The following MCM8 variants were observed in gnomAD, a reference collection of about 807,000 sequenced individuals.
The protein encoded by MCM8 is minichromosome maintenance 8 homologous recombination repair factor, also known as DNA helicase MCM8.
Under a neutral mutation model 98.9 loss-of-function variants are expected in MCM8, and 85 were observed. The ratio of observed to expected loss-of-function variants is 0.86; its 90% CI spans 0.72 to 1.03. The LOEUF is 1.03. MCM8 is among the 50% of genes least tolerant of loss of function. MCM8 has a pLI of 0.00. For synonymous variants in MCM8, 352 were observed against 338.6 expected (o/e 1.04, Z -0.44); for missense variants, 951 against 997.8 (o/e 0.95, Z 0.63).
chr20:5,973,258 G>A, intron 12 of MCM8, 62 bp downstream of exon 12: 1 of 1,596,698 alleles, frequency 6.3e-7, no homozygotes. Flanking sequence ...TAATTCACAA[G>A]TGAATTTTCT....
At chr20:5,976,603 C>T (rs1361235232) in intron 12 of MCM8, among the ~76,000 whole-genome samples, 1 of 152,208 alleles carries the variant, frequency 6.6e-6, no homozygotes, top group African/African-American at 2.4e-5. Flanking sequence ...GGGGCTTAAA[C>T]TATCACAAAG....
rs1256979166 is a variant in MCM8 at position 5,995,465 on chromosome 20, C to T, written c.*1074C>T. On this transcript the variant is annotated 3_prime_UTR_variant, in exon 19 of 19. Transcript: ENST00000610722. ...CACTGGAAGAAAGTGCTGCTGCCTC[C>T]CTGCCCCACCTTTGCCACTTCTGCA... 2.0e-5 allele frequency: 3 copies of T among 152,202 alleles called. No homozygotes were observed. The highest frequency in any genetic ancestry group is 4.8e-5 in the African/African-American group (2 of 41,430). 9.4% of individuals were successfully genotyped at this position (152,202 alleles called of 1,614,324 possible).
intron 11 of MCM8, chr20:5,972,702 G>A: frequency 7.9e-7 from 1 of 1,267,482 alleles, no homozygotes; most frequent in Non-Finnish European, 1.0e-6. Context: ...CTACAGGCAT[G>A]CGCCACCAGA....
intron 3 of MCM8, among the ~76,000 whole-genome samples, 183 bp from the exon 4 acceptor site, chr20:5,954,425 A>G (rs904345432): frequency 6.6e-6 from 1 of 152,250 alleles, no homozygotes; most frequent in African/African-American, 2.4e-5. Context: ...CACATTATGC[A>G]AACCTAAATT....
intron 5 of MCM8, among the ~76,000 whole-genome samples, chr20:5,956,529 G>T (rs236117): frequency 0.18 from 26,865 of 152,090 alleles, 3,176 homozygotes; most frequent in African/African-American, 0.34. Context: ...AAGTAGCTGG[G>T]ATTATAGGCA....
Position 5,957,221 on chromosome 20 carries a change from T to A in MCM8, c.582T>A (p.Ile194=), listed in dbSNP as rs1166054280. The A allele has an allele frequency of 1.2e-6, 2 of 1,612,090 alleles. No homozygotes were observed. The highest frequency in any genetic ancestry group is 1.7e-6 in the Non-Finnish European group (2 of 1,178,698). Reference sequence around the variant, plus strand: ...AAACAATGGTAAATGTGCCACATATTCATGCAAGGTGAGGAATTTGATGTA... The same window carrying A: ...AAACAATGGTAAATGTGCCACATATACATGCAAGGTGAGGAATTTGATGTA... The part of the protein sequence containing the change: ...DGETMVNVPH[I]HARVYNYEPL... Residue 194 remains isoleucine (I), a synonymous_variant, in exon 6 of 19, where the codon ATT becomes ATA. Transcript: ENST00000610722.
intron 16 of MCM8, among the ~76,000 whole-genome samples, chr20:5,986,366 T>C (rs551758957): frequency 2.0e-5 from 3 of 152,288 alleles, no homozygotes; most frequent in African/African-American, 7.2e-5. Context: ...TTTTCTTTTG[T>C]TTTTCTTTGA....
chr20:5,983,633 G>A (rs1002163971), intron 14 of MCM8, among the ~76,000 whole-genome samples: 2 of 152,158 alleles, frequency 1.3e-5, no homozygotes, highest in African/African-American at 4.8e-5. Flanking sequence ...CTGGGAGGTG[G>A]AGGTTGCAGT....
chr20:5,958,539 A>G lies in MCM8; in HGVS notation c.602A>G (p.Tyr201Cys), dbSNP rs751317561. ...VPHIHARVYN[Y>C]EPLTQLKNVR... The stretch of plus-strand genomic sequence containing the variant: ...TGTTTTGTCTTTAGGGTGTACAACT[A>G]TGAGCCTTTGACACAGCTCAAGAAT... Residue 201 changes from tyrosine to cysteine, a missense_variant, in exon 7 of 19, where the codon TAT becomes TGT. Tyr to Cys is a radical substitution (Grantham distance 194, BLOSUM62 -2). Transcript: ENST00000610722. The G allele has an allele frequency of 2.1e-5, 34 of 1,613,832 alleles. No individual in the cohort carries two copies. In the South Asian group the frequency reaches 3.4e-4, roughly 16 times the overall value.
intron 12 of MCM8, among the ~76,000 whole-genome samples, chr20:5,976,411 C>CA (rs2089512404): frequency 1.3e-5 from 2 of 152,138 alleles, no homozygotes; most frequent in South Asian, 4.2e-4. Flanking sequence ...GACCCAGAGA[C>CA]AGCTCACGCC....
intron 7 of MCM8, 148 bp from the exon 8 acceptor site, chr20:5,963,126 G>A: frequency 1.6e-6 from 1 of 629,358 alleles, no homozygotes; most frequent in South Asian, 1.9e-5. Flanking sequence ...GAAATAGAAA[G>A]TCATTAATCT....
At chr20:5,981,718 A>C (rs184377603) in intron 13 of MCM8, among the ~76,000 whole-genome samples, 29 of 152,360 alleles carry the variant, frequency 1.9e-4, no homozygotes, top group Admixed American at 7.2e-4. Flanking sequence ...GGAAGAAAGA[A>C]AGACATTTAA....
intron 17 of MCM8, among the ~76,000 whole-genome samples, chr20:5,988,474 G>A (rs1003554169): frequency 2.0e-5 from 3 of 150,156 alleles, no homozygotes; most frequent in Non-Finnish European, 4.4e-5. Flanking sequence ...AAAAAAAAAA[G>A]TATATAGTGG....
intron 17 of MCM8, among the ~76,000 whole-genome samples, chr20:5,992,657 A>G (rs2089876784): frequency 6.6e-6 from 1 of 152,174 alleles, no homozygotes. Flanking sequence ...TAACTATTCA[A>G]GGAACAAAAG....
intron 12 of MCM8, among the ~76,000 whole-genome samples, chr20:5,977,496 T>A (rs1489576891): frequency 1.3e-5 from 2 of 152,248 alleles, no homozygotes; most frequent in Non-Finnish European, 2.9e-5. Flanking sequence ...TTACCTGATG[T>A]TTAAAGAAGC....
At chr20:5,952,577 C>G in intron 3 of MCM8, 49 bp downstream of exon 3, 1 of 1,483,818 alleles carries the variant, frequency 6.7e-7, no homozygotes, top group Non-Finnish European at 9.4e-7. Context: ...ATTTTCTTAA[C>G]TTGTCTTTGG....
intron 7 of MCM8, among the ~76,000 whole-genome samples, chr20:5,959,886 A>G (rs2089096845): frequency 6.6e-6 from 1 of 151,830 alleles, no homozygotes; most frequent in Non-Finnish European, 1.5e-5. Flanking sequence ...TTTGGTAGAG[A>G]CAAGGTTTCA....
intron 12 of MCM8, among the ~76,000 whole-genome samples, chr20:5,977,359 G>A (rs144591361): frequency 1.3e-5 from 2 of 152,340 alleles, no homozygotes; most frequent in East Asian, 1.9e-4. Context: ...CTGGTGCATG[G>A]TGGAGCCACG....
Position 5,967,478 on chromosome 20 carries a change from G to C in MCM8, c.918G>C (p.Arg306=). The C allele has an allele frequency of 6.8e-6, 11 of 1,614,012 alleles. No homozygotes were observed. The highest frequency in any genetic ancestry group is 9.3e-6 in the Non-Finnish European group (11 of 1,179,944). Residue 306 remains arginine (R), a synonymous_variant, in exon 9 of 19, where the codon CGG becomes CGC. Coordinates refer to ENST00000610722, the MANE Select transcript of MCM8 (RefSeq NM_032485.6). The part of the protein sequence containing the change: ...LMSDDQREAG[R]IPRTIECELV... ...CTGATGATCAGAGAGAAGCAGGTCG[G>C]ATTCCACGAACAATAGAATGTGAGC...
Sources: allele counts gnomAD v4.1 joint callset (sites outside exome capture counted in the v4.1 genomes callset), GRCh38; gene constraint gnomAD v4.1.1; transcripts MANE v1.5; gene names NCBI Gene and HGNC (gene_info 2026-07-23, HGNC 2026-07-21).